MXD4: variants seen among roughly 807,000 people sequenced by gnomAD.
The protein encoded by MXD4 is Mad4 homolog.
A neutral mutation model predicts 24.5 loss-of-function variants in MXD4; 16 were observed. The ratio of observed to expected loss-of-function variants is 0.65; its 90% confidence interval spans 0.44 to 0.99. The LOEUF (loss-of-function observed/expected upper bound fraction) is 0.99. MXD4 is among the 50% of genes least tolerant of loss of function. The probability of loss-of-function intolerance (pLI) is 0.00; values close to 1 mark genes in which losing one functional copy is unlikely to be tolerated. For missense variants in MXD4, 301 were observed against 301.5 expected, an observed-to-expected ratio of 1.00 and a Z score of 0.01; for synonymous variants, 164 against 134.2, an observed-to-expected ratio of 1.22 and a Z score of -1.54.
At chr4:2,258,758 C>G (rs1735480616) in intron 2 of MXD4, 1 of 380,412 alleles carries the variant, frequency 2.6e-6, no homozygotes, top group East Asian at 7.8e-5. Flanking sequence ...GCTTCCCAGG[C>G]CAGTAGGCAC....
intron 2 of MXD4, among the ~76,000 whole-genome samples, chr4:2,260,797 C>A (rs867473646): frequency 6.6e-6 from 1 of 152,320 alleles, no homozygotes; most frequent in African/African-American, 2.4e-5. Flanking sequence ...GCTCTGAAGC[C>A]CCCTACAAAC....
At chr4:2,259,633 C>T (rs1217704291) in intron 2 of MXD4, among the ~76,000 whole-genome samples, 1 of 152,002 alleles carries the variant, frequency 6.6e-6, no homozygotes, top group Non-Finnish European at 1.5e-5. Context: ...GGACCCCACC[C>T]TGGAGGCAGG....
intron 5 of MXD4, among the ~76,000 whole-genome samples, 159 bp downstream of exon 5, chr4:2,250,925 G>C (rs1039414596): frequency 5.9e-5 from 9 of 152,116 alleles, no homozygotes; most frequent in Admixed American, 5.9e-4. Context: ...TCCCTGTCCA[G>C]TCCCTTCTGC....
In MXD4 at chr4:2,261,790, G is replaced by T; in HGVS notation, c.99C>A (p.Phe33Leu). 2 of 1,429,756 alleles carry T rather than the reference G, an allele frequency of 1.4e-6. No homozygotes were observed. Among genetic ancestry groups the T allele is most frequent in the Non-Finnish European group, 1.8e-6 (2 of 1,083,912 alleles). The allele number at this position is 1,429,756 out of a possible 1,614,324, so 88.6% of individuals were successfully genotyped here. The change falls in exon 2 of 6, where the codon TTC becomes TTA. Residue 33 changes from phenylalanine (F) to leucine (L), a missense_variant. Coordinates refer to ENST00000337190, the MANE Select transcript of MXD4 (RefSeq NM_006454.3). The part of the protein sequence containing the change: ...AEHGYASVLP[F>L]DGDFAREKTK... ...TTTTCTCCCTGGCGAAGTCGCCGTCGAAGGGCAGCACCGAGGCGTAGCCGT... is the reference window on the plus strand; with the variant it reads ...TTTTCTCCCTGGCGAAGTCGCCGTCTAAGGGCAGCACCGAGGCGTAGCCGT...
chr4:2,250,574 G>C lies in MXD4; in HGVS notation c.600C>G (p.Cys200Trp). ...AGAGGGCGGGGCGGCCCAGCCGCCG[G>C]CAGTGGGGCCCGAAGCCACTGTCGC... ...TGGDSGFGPHCRRLGRPALS is the reference protein window; with the variant it reads ...TGGDSGFGPHWRRLGRPALS Residue 200 changes from cysteine to tryptophan, a missense_variant, in exon 6 of 6, where the codon TGC becomes TGG. Cys to Trp is a radical substitution (Grantham distance 215, BLOSUM62 -2). Coordinates refer to ENST00000337190, the MANE Select transcript of MXD4 (RefSeq NM_006454.3). 1 of 1,605,782 alleles carries C rather than the reference G, an allele frequency of 6.2e-7. No individual in the cohort carries two copies. The highest frequency in any genetic ancestry group is 2.2e-5 in the East Asian group (1 of 44,646).
rs544614123 is a variant in MXD4 at position 2,248,439 on chromosome 4, C to G, written c.*2105G>C. The G allele has an allele frequency of 6.6e-6, 1 of 152,424 alleles. No individual in the cohort carries two copies. The highest frequency in any genetic ancestry group is 6.5e-5 in the Admixed American group (1 of 15,294). 9.4% of individuals were successfully genotyped at this position (152,424 alleles called of 1,614,324 possible). On this transcript the variant is annotated 3_prime_UTR_variant, in exon 6 of 6. Transcript: ENST00000337190. ...GCTTCAAGAATTGAGGGCAGGGACA[C>G]GACCACCTCAGGGCCCTGCAGTGCT...
At chr4:2,256,259 T>C (rs1329222699) in intron 3 of MXD4, among the ~76,000 whole-genome samples, 3 of 152,176 alleles carry the variant, frequency 2.0e-5, no homozygotes, top group African/African-American at 7.2e-5. Context: ...CCCAGGACCC[T>C]GGGGTTGGCA....
At position 2,261,947 on chromosome 4, in the gene MXD4, C is replaced by T; in HGVS notation, c.34G>A (p.Ala12Thr). 1 of 1,454,100 alleles carries T rather than the reference C, an allele frequency of 6.9e-7. No individual in the cohort carries two copies. 90.1% of individuals were successfully genotyped at this position (1,454,100 alleles called of 1,614,324 possible). The change falls in exon 1 of 6, where the codon GCG (alanine) becomes ACG (threonine). Residue 12 changes from alanine (A) to threonine (T), a missense_variant. Transcript: ENST00000337190. ...ELNSLLILLE[A>T]AEYLERRDRE... ...TCCCTGCGCTCCAGGTACTCGGCCGCCTCCAGCAGGATCAGCAGGGAGTTC... is the reference window on the plus strand; with the variant it reads ...TCCCTGCGCTCCAGGTACTCGGCCGTCTCCAGCAGGATCAGCAGGGAGTTC...
intron 2 of MXD4, chr4:2,258,931 G>T (rs1292651375): frequency 2.2e-6 from 1 of 456,006 alleles, no homozygotes; most frequent in Non-Finnish European, 4.4e-6. Flanking sequence ...AGCACCACAG[G>T]GTGTGCCACA....
At chr4:2,250,794 G>A (rs1191441361) in intron 5 of MXD4, 93 bp from the exon 6 acceptor site, 3 of 1,462,464 alleles carry the variant, frequency 2.1e-6, no homozygotes, top group African/African-American at 2.8e-5. Flanking sequence ...AGGCAGAGGG[G>A]CAGAAGTGCG....
chr4:2,261,839 C>T lies in MXD4; in HGVS notation c.65-15G>A. On this transcript the variant is annotated splice_polypyrimidine_tract_variant and intron_variant, in intron 1 of 5. Transcript: ENST00000337190. ...GTGCTCGGCCTCTGCGGACACACGG[C>T]GCGGTCAGCGGCCCCCGCCCGGCAC... The T allele has an allele frequency of 7.4e-7, 1 of 1,360,496 alleles. No homozygotes were observed. Among genetic ancestry groups the T allele is most frequent in the Non-Finnish European group, 9.5e-7 (1 of 1,055,764 alleles). The allele number at this position is 1,360,496 out of a possible 1,614,324, so 84.3% of individuals were successfully genotyped here. A position where few individuals can be genotyped will look rare whatever the true frequency, so the allele number is the denominator to read the frequency against.
chr4:2,260,913 G>C (rs1256461838), intron 2 of MXD4, among the ~76,000 whole-genome samples: 1 of 152,164 alleles, frequency 6.6e-6, no homozygotes, highest in Non-Finnish European at 1.5e-5. Context: ...AATCCCCGGG[G>C]AGCCCCGGCC....
intron 3 of MXD4, among the ~76,000 whole-genome samples, chr4:2,256,734 A>G (rs1000489630): frequency 1.3e-5 from 2 of 152,084 alleles, no homozygotes; most frequent in African/African-American, 4.8e-5. Context: ...CAGAGGGCAA[A>G]GCCAGGTCAA....
In MXD4 at chr4:2,250,367, G is replaced by T; in HGVS notation, c.*177C>A. On this transcript the variant is annotated 3_prime_UTR_variant, in exon 6 of 6. Coordinates refer to ENST00000337190, the MANE Select transcript of MXD4 (RefSeq NM_006454.3). ...GACTCTGCCCAGCTGGAAGGGGCAG[G>T]CAGCTCGGCAGGCCCTGACCGGCAA... 1.2e-6 allele frequency: 1 copy of T among 846,426 alleles called. No individual in the cohort carries two copies. The highest frequency in any genetic ancestry group is 1.8e-6 in the Non-Finnish European group (1 of 566,152). 52.4% of individuals were successfully genotyped at this position (846,426 alleles called of 1,614,324 possible). A position where few individuals can be genotyped will look rare whatever the true frequency, so the allele number is the denominator to read the frequency against.
rs146715421 is a variant in MXD4 at position 2,251,553 on chromosome 4, G to T, written c.310-307C>A. ...GCCAAGTTGAGCCATGTGTGGCAGCGGGTCAGTGCTACCCAATCTTTGGCT... is the reference window on the plus strand; with the variant it reads ...GCCAAGTTGAGCCATGTGTGGCAGCTGGTCAGTGCTACCCAATCTTTGGCT... On this transcript the variant is annotated intron_variant, in intron 4 of 5. Transcript: ENST00000337190. Among the ~76,000 whole-genome samples the T allele has an allele frequency of 1.7e-3, 261 of 152,338 alleles. 1 individual carries two copies. Among genetic ancestry groups the T allele is most frequent in the African/African-American group, 5.9e-3 (246 of 41,574 alleles).
At chr4:2,255,603 C>A (rs894631551) in intron 3 of MXD4, among the ~76,000 whole-genome samples, 12 of 152,146 alleles carry the variant, frequency 7.9e-5, no homozygotes, top group Non-Finnish European at 1.5e-4. Context: ...GCTGAGCCCT[C>A]CCCTCCTGAA....
rs1306003075 is a variant in MXD4, at chr4:2,251,234, G to C, written c.322C>G (p.Gln108Glu). 6.3e-7 allele frequency: 1 copy of C among 1,599,154 alleles called. No homozygotes were observed. Among genetic ancestry groups the C allele is most frequent in the Non-Finnish European group, 8.5e-7 (1 of 1,170,576 alleles). ...AKVHIKKLEE[Q>E]DRRALSIKEQ... ...TTGATGCTCAGTGCCCGGCGGTCCT[G>C]CTCCTCCAGTTTCTGGGGTCGAGGG... Residue 108 changes from glutamine (Q) to glutamate (E), a missense_variant, in exon 5 of 6, where the codon CAG becomes GAG. Gln to Glu is a conservative substitution (Grantham distance 29). Transcript: ENST00000337190.
intron 2 of MXD4, among the ~76,000 whole-genome samples, chr4:2,258,585 G>C (rs984947406): frequency 2.6e-5 from 4 of 152,210 alleles, no homozygotes; most frequent in Non-Finnish European, 5.9e-5. Context: ...GGTGGAGATG[G>C]AGCCCAGAGA....
chr4:2,256,851 C>A (rs1252703097), intron 3 of MXD4, among the ~76,000 whole-genome samples: 1 of 151,314 alleles, frequency 6.6e-6, no homozygotes, highest in Non-Finnish European at 1.5e-5. Context: ...GGGGGGCTGT[C>A]CTCCCAGGGA....
Sources: gnomAD v4.1 joint callset for allele counts (sites outside exome capture counted in the v4.1 genomes callset) on GRCh38, gnomAD v4.1.1 for gene constraint, MANE v1.5 for transcripts, NCBI Gene and HGNC (gene_info 2026-07-23, HGNC 2026-07-21) for gene names.